Variants in MARF1 observed in about 807,000 individuals in gnomAD.
The protein encoded by MARF1 is meiosis regulator and mRNA stability factor 1, also known as limkain-b1.
MARF1 carries 24 observed loss-of-function variants against 168.2 expected under a neutral mutation model. The observed-to-expected ratio is 0.14, with a 90% confidence interval of 0.10 to 0.20. The LOEUF (loss-of-function observed/expected upper bound fraction) is 0.20, where lower values mean the gene tolerates loss of function less well. Among genes scored for constraint, MARF1 ranks in the 10% least tolerant of loss-of-function variants. The pLI is 1.00. For synonymous variants in MARF1, 868 were observed against 822.4 expected, an observed-to-expected ratio of 1.06 and a Z score of -0.95; for missense variants, 1,744 against 2,143.6, an observed-to-expected ratio of 0.81 and a Z score of 3.68.
chr16:15,598,520 G>A (rs560493653), intron 26 of MARF1, among the ~76,000 whole-genome samples: 1 of 152,252 alleles, frequency 6.6e-6, no homozygotes, highest in African/African-American at 2.4e-5. Flanking sequence ...TCTGGTGACA[G>A]GTGTGCCTGA....
At chr16:15,603,770 G>GA (rs1333598632) in intron 22 of MARF1, among the ~76,000 whole-genome samples, 1 of 116,054 alleles carries the variant, frequency 8.6e-6, no homozygotes, top group Non-Finnish European at 2.0e-5. Flanking sequence ...GCTGCCTGGG[G>GA]GACTGGCTGG....
At position 15,608,532 on chromosome 16, in the gene MARF1, C is replaced by T. The variant is rs147720054; in HGVS notation, c.3955-14G>A. On this transcript the variant is annotated splice_polypyrimidine_tract_variant and intron_variant, in intron 20 of 26. Coordinates refer to ENST00000396368, the MANE Select transcript of MARF1 (RefSeq NM_014647.4). ...ACATTCCAATACCTTTGAAAACACA[C>T]GGGGGGAGGAAAGGGAAAATAAACA... 157 of 1,575,796 alleles carry T rather than the reference C, an allele frequency of 1.0e-4. 1 individual carries two copies. The South Asian group carries it at 1.4e-3, about 14-fold the overall frequency.
intron 16 of MARF1, among the ~76,000 whole-genome samples, chr16:15,613,404 C>T (rs1357671454): frequency 6.6e-6 from 1 of 152,040 alleles, no homozygotes; most frequent in Non-Finnish European, 1.5e-5. Context: ...AATCCCAGCA[C>T]TTTGGGAGGC....
At chr16:15,641,124 T>C (rs1257013393) in intron 1 of MARF1, among the ~76,000 whole-genome samples, 2 of 152,110 alleles carry the variant, frequency 1.3e-5, no homozygotes, top group Non-Finnish European at 2.9e-5. Context: ...AAGTTTCTGT[T>C]TCCTCCTATG....
At chr16:15,603,292 G>A (rs756106293) in intron 22 of MARF1, among the ~76,000 whole-genome samples, 52 of 152,088 alleles carry the variant, frequency 3.4e-4, no homozygotes, top group Non-Finnish European at 5.9e-4. Flanking sequence ...TTTTGGCTTC[G>A]TAAAAATAAA....
In MARF1 at chr16:15,625,170, G is replaced by A. The variant is rs761353716; in HGVS notation, c.1957C>T (p.Leu653=). The A allele has an allele frequency of 1.2e-6, 2 of 1,613,714 alleles. No homozygotes were observed. Among genetic ancestry groups the A allele is most frequent in the Non-Finnish European group, 1.7e-6 (2 of 1,179,898 alleles). ...CCAGTTTTTGACTCCATGCGGCACA[G>A]CTCCTTCAAAGACACAAGCACAGTG... ...KNTNVKSLQE[L]CRMESKTGHR... Residue 653 remains leucine (L), a synonymous_variant, in exon 9 of 27, where the codon CTG becomes TTG. Transcript: ENST00000396368.
At chr16:15,641,237 C>A (rs1208472393) in intron 1 of MARF1, among the ~76,000 whole-genome samples, 2 of 152,158 alleles carry the variant, frequency 1.3e-5, no homozygotes, top group Non-Finnish European at 2.9e-5. Flanking sequence ...CTTGTGCCAA[C>A]CAAAATGCTC....
intron 1 of MARF1, among the ~76,000 whole-genome samples, chr16:15,642,751 G>T (rs566915715): frequency 1.4e-3 from 215 of 152,316 alleles, no homozygotes; most frequent in African/African-American, 5.0e-3. Flanking sequence ...CCCACCAGGG[G>T]TCAGACAGGG....
chr16:15,597,644 G>A (rs1183952955), intron 26 of MARF1, among the ~76,000 whole-genome samples: 1 of 152,244 alleles, frequency 6.6e-6, no homozygotes, highest in Non-Finnish European at 1.5e-5. Flanking sequence ...GAAGGTGAGA[G>A]TGGCAGAGGG....
chr16:15,633,476 T>G (rs2035384661), intron 5 of MARF1, 141 bp downstream of exon 5: 2 of 607,608 alleles, frequency 3.3e-6, no homozygotes, highest in African/African-American at 1.9e-5. Context: ...GGTCCCAGGG[T>G]TCGAGGCTGC....
At chr16:15,623,350 G>A (rs770507937) in intron 10 of MARF1, among the ~76,000 whole-genome samples, 2 of 131,380 alleles carry the variant, frequency 1.5e-5, no homozygotes, top group African/African-American at 3.0e-5. Context: ...CACGATCTCG[G>A]CTTACTGCAA....
intron 21 of MARF1, among the ~76,000 whole-genome samples, chr16:15,607,350 A>T (rs1011126650): frequency 2.0e-5 from 3 of 152,156 alleles, no homozygotes; most frequent in Non-Finnish European, 4.4e-5. Flanking sequence ...GGAGTTCGAG[A>T]TCAGCCTGGC....
intron 25 of MARF1, among the ~76,000 whole-genome samples, chr16:15,599,779 C>A (rs2032216341): frequency 1.3e-5 from 2 of 152,176 alleles, no homozygotes; most frequent in African/African-American, 2.4e-5. Flanking sequence ...ATTAGTATAT[C>A]AAATCCTGCC....
Position 15,612,584 on chromosome 16 carries a change from TAACTC to T in MARF1, c.3442_3446del (p.Glu1148IlefsTer67), listed in dbSNP as rs774730762. 1 of 1,614,196 alleles carries T rather than the reference TAACTC, an allele frequency of 6.2e-7. No individual in the cohort carries two copies. The highest frequency in any genetic ancestry group is 8.5e-7 in the Non-Finnish European group (1 of 1,180,010). ...GCAATACATGAGGCACTGCTTCTAATAACTCAATCAGCTTGGAGTATCCGTAGTCT... is the reference window on the plus strand; with the variant it reads ...GCAATACATGAGGCACTGCTTCTAATAATCAGCTTGGAGTATCCGTAGTCT... On this transcript the variant is annotated frameshift_variant, in exon 17 of 27. Coordinates refer to ENST00000396368, the MANE Select transcript of MARF1 (RefSeq NM_014647.4). LOFTEE classifies it high-confidence loss of function.
In MARF1 at chr16:15,616,934, CAT is replaced by C. The variant is rs1415197893; in HGVS notation, c.3077+116_3077+117del. 1.1e-5 allele frequency: 16 copies of C among 1,393,754 alleles called. No homozygotes were observed. In the Admixed American group the frequency reaches 3.0e-4, roughly 26 times the overall value. The allele number at this position is 1,393,754 out of a possible 1,614,324, so 86.3% of individuals were successfully genotyped here. On this transcript the variant is annotated intron_variant, in intron 15 of 26. Coordinates refer to ENST00000396368, the MANE Select transcript of MARF1 (RefSeq NM_014647.4). Reference sequence around the variant, plus strand: ...CTGTACTTTGACTGAAGGCTAAACACATGAGGATGAAGCATTGTAGAGTACTT... The same window carrying C: ...CTGTACTTTGACTGAAGGCTAAACACGAGGATGAAGCATTGTAGAGTACTT...
rs761226297 is a variant in MARF1 at position 15,625,650 on chromosome 16, C to A, written c.1675G>T (p.Asp559Tyr). ...CSAILRFINQ[D>Y]SAERAQKRME... ...CGCTTCTGAGCGCGCTCTGCACTAT[C>A]TTGGTTTATGAAGCGGAGAATTGCA... Residue 559 changes from aspartate to tyrosine, a missense_variant, in exon 8 of 27, where the codon GAT becomes TAT. By Grantham distance (160) the Asp-to-Tyr change is radical. This residue lies in a region of MARF1 where 217 missense variants were observed against 372.4 expected (regional missense o/e 0.58). Coordinates refer to ENST00000396368, the MANE Select transcript of MARF1 (RefSeq NM_014647.4). 6.2e-7 allele frequency: 1 copy of A among 1,614,228 alleles called. No homozygotes were observed. The highest frequency in any genetic ancestry group is 1.1e-5 in the South Asian group (1 of 91,090).
intron 26 of MARF1, 50 bp from the exon 27 acceptor site, chr16:15,596,987 T>C (rs1369211361): frequency 6.5e-7 from 1 of 1,534,734 alleles, no homozygotes; most frequent in African/African-American, 1.4e-5. Flanking sequence ...CTGTAAGAAG[T>C]GTGGGTTTTC....
intron 16 of MARF1, among the ~76,000 whole-genome samples, chr16:15,614,265 G>A (rs934927500): frequency 2.6e-5 from 4 of 151,438 alleles, no homozygotes; most frequent in African/African-American, 4.9e-5. Flanking sequence ...GGCGGATCAC[G>A]AGGTCAGGAG....
chr16:15,633,273 C>G (rs531131663), intron 5 of MARF1, among the ~76,000 whole-genome samples: 6 of 152,030 alleles, frequency 3.9e-5, no homozygotes, highest in African/African-American at 1.2e-4. Context: ...CAAGCCTCCA[C>G]CACCTAACCC....
Sources: gnomAD v4.1 joint callset for allele counts (sites outside exome capture counted in the v4.1 genomes callset) on GRCh38, gnomAD v4.1.1 for gene constraint, gnomAD v4.1.1 regional missense constraint, MANE v1.5 for transcripts, NCBI Gene and HGNC (gene_info 2026-07-23, HGNC 2026-07-21) for gene names.